The following TTC23L variants were observed in gnomAD, a reference collection of about 807,000 sequenced individuals.
The protein encoded by TTC23L is tetratricopeptide repeat protein 23-like.
In TTC23L, 42 loss-of-function variants were observed where a neutral mutation model predicts 48.1. That is an observed-to-expected ratio of 0.87 (90% CI 0.68 to 1.13). The LOEUF (loss-of-function observed/expected upper bound fraction) is 1.13, where lower values mean the gene tolerates loss of function less well. Ranked by LOEUF, TTC23L falls within the 50% of genes most tolerant of loss-of-function variation. The pLI, the probability that TTC23L is intolerant of heterozygous loss-of-function variation, is 0.00. For missense variants in TTC23L, 391 were observed against 421.0 expected (o/e 0.93, Z 0.62); for synonymous variants, 159 against 157.2 (o/e 1.01, Z -0.09).
intron 9 of TTC23L, among the ~76,000 whole-genome samples, chr5:34,890,339 G>A (rs1762788171): frequency 6.6e-6 from 1 of 151,196 alleles, no homozygotes; most frequent in Admixed American, 6.6e-5. Flanking sequence ...CAGCTACTTG[G>A]GAGGCTGAGG....
chr5:34,917,465 C>G, the TTC23L span, among the ~76,000 whole-genome samples: 6 of 151,280 alleles, frequency 4.0e-5, no homozygotes, highest in Non-Finnish European at 8.8e-5. Context: ...AACCCCGTCT[C>G]TACTAACACT....
At chr5:34,915,371 A>C in the TTC23L span, 1 of 245,572 alleles carries the variant, frequency 4.1e-6, no homozygotes, top group Admixed American at 5.1e-5. Flanking sequence ...CCCGCGGGAC[A>C]GCATCGCTTA....
intron 9 of TTC23L, among the ~76,000 whole-genome samples, chr5:34,886,379 AAAAAC>A (rs1391030672): frequency 1.1e-3 from 174 of 151,940 alleles, no homozygotes; most frequent in African/African-American, 4.1e-3. Context: ...AAAAAAAAAA[AAAAAC>A]GTTTTATCCC....
chr5:34,839,306 T>A (rs1484515952), intron 1 of TTC23L, 47 bp downstream of exon 1: 1 of 152,658 alleles, frequency 6.6e-6, no homozygotes, highest in Non-Finnish European at 1.5e-5. Flanking sequence ...AGCCGCGCCG[T>A]CGGGCTCAGG....
At chr5:34,910,734 G>C in the TTC23L span, among the ~76,000 whole-genome samples, 8 of 152,056 alleles carry the variant, frequency 5.3e-5, no homozygotes, top group Non-Finnish European at 1.0e-4. Context: ...TTACAGCCGG[G>C]CCTGTAATTC....
the TTC23L span, chr5:34,924,983 G>T: frequency 6.2e-7 from 1 of 1,612,042 alleles, no homozygotes; most frequent in Non-Finnish European, 8.5e-7. Flanking sequence ...ATGGTAAGCG[G>T]TTGTGTCATT....
At chr5:34,841,812 C>T (rs1459867708) in intron 2 of TTC23L, among the ~76,000 whole-genome samples, 1 of 152,210 alleles carries the variant, frequency 6.6e-6, no homozygotes, top group African/African-American at 2.4e-5. Flanking sequence ...CCACTGTGCC[C>T]AGGTAGAGTC....
At chr5:34,911,579 T>A in the TTC23L span, 1 of 1,614,162 alleles carries the variant, frequency 6.2e-7, no homozygotes, top group South Asian at 1.1e-5. Flanking sequence ...TCAGGAGACA[T>A]GGTAATTTGT....
chr5:34,861,933 C>A (rs1233382344), intron 4 of TTC23L, among the ~76,000 whole-genome samples: 1 of 152,158 alleles, frequency 6.6e-6, no homozygotes, highest in African/African-American at 2.4e-5. Context: ...TGCCCAGGAA[C>A]ACCAGCAAAA....
intron 7 of TTC23L, 189 bp from the exon 8 acceptor site, chr5:34,868,716 C>A: frequency 1.8e-6 from 1 of 543,284 alleles, no homozygotes; most frequent in South Asian, 2.0e-5. Context: ...CATATACCAT[C>A]TCACTTAATC....
chr5:34,860,358 G>A (rs1014333748), intron 4 of TTC23L, among the ~76,000 whole-genome samples: 1 of 152,144 alleles, frequency 6.6e-6, no homozygotes. Context: ...AACAAGATGA[G>A]TCCTACTTCT....
chr5:34,907,919 A>C, the TTC23L span: 1 of 152,186 alleles, frequency 6.6e-6, no homozygotes, highest in African/African-American at 2.4e-5. Flanking sequence ...GGTTCCCAAA[A>C]TTTAGCAGGC....
the TTC23L span, chr5:34,913,535 G>T: frequency 6.2e-7 from 1 of 1,604,756 alleles, no homozygotes; most frequent in South Asian, 1.1e-5. Context: ...AATTCGAAAA[G>T]TAACAGACTC....
chr5:34,897,560 T>C (rs1763311920), intron 10 of TTC23L, among the ~76,000 whole-genome samples: 1 of 152,138 alleles, frequency 6.6e-6, no homozygotes, highest in South Asian at 2.1e-4. Flanking sequence ...TTGGCTCAAG[T>C]GATCCTCCCG....
chr5:34,913,671 C>T, the TTC23L span: 1 of 704,518 alleles, frequency 1.4e-6, no homozygotes, highest in Non-Finnish European at 2.4e-6. Context: ...TTAAAAAATA[C>T]AATACTGTGC....
intron 8 of TTC23L, among the ~76,000 whole-genome samples, chr5:34,877,359 TTC>T (rs1486963013): frequency 8.2e-5 from 12 of 146,630 alleles, no homozygotes; most frequent in Non-Finnish European, 1.8e-4. Context: ...AACACCATTG[TTC>T]TTTTTTTTTT....
the TTC23L span, among the ~76,000 whole-genome samples, chr5:34,910,332 G>A: frequency 6.6e-6 from 1 of 152,202 alleles, no homozygotes; most frequent in African/African-American, 2.4e-5. Flanking sequence ...CACTGCTAAA[G>A]TAAGGTTTCC....
chr5:34,868,276 C>T (rs1761206976), intron 7 of TTC23L: 1 of 152,342 alleles, frequency 6.6e-6, no homozygotes. Flanking sequence ...CTGATAACCC[C>T]TCAGCTCTTT....
At chr5:34,880,067 G>C in intron 8 of TTC23L, 114 bp from the exon 9 acceptor site, 2 of 1,295,616 alleles carry the variant, frequency 1.5e-6, no homozygotes, top group Non-Finnish European at 2.1e-6. Context: ...TATGAGACCT[G>C]GCTTGAGAAC....
Sources: gnomAD v4.1 joint callset for allele counts (sites outside exome capture counted in the v4.1 genomes callset) on GRCh38, gnomAD v4.1.1 for gene constraint, MANE v1.5 for transcripts, NCBI Gene and HGNC (gene_info 2026-07-23, HGNC 2026-07-21) for gene names.